The following FRMD3 variants were observed in gnomAD, a reference collection of about 807,000 sequenced individuals.
FRMD3 encodes FERM domain containing 3, also known as FERM domain-containing protein 3.
FRMD3 carries 33 observed loss-of-function variants against 70.2 expected under a neutral mutation model. The ratio of observed to expected loss-of-function variants is 0.47; its 90% CI spans 0.36 to 0.63. The LOEUF (loss-of-function observed/expected upper bound fraction) is 0.63. Among genes scored for constraint, FRMD3 ranks in the 20% least tolerant of loss-of-function variants. The probability of loss-of-function intolerance (pLI) is 0.00; values close to 1 mark genes in which losing one functional copy is unlikely to be tolerated. For synonymous variants in FRMD3, 279 were observed against 255.9 expected (o/e 1.09, Z -0.86); for missense variants, 632 against 711.4 (o/e 0.89, Z 1.27).
intron 13 of FRMD3, among the ~76,000 whole-genome samples, chr9:83,255,138 A>C (rs993080920): frequency 3.3e-5 from 5 of 152,214 alleles, no homozygotes; most frequent in African/African-American, 1.2e-4. Flanking sequence ...TCAATAAAAT[A>C]CTGGCAAACT....
At chr9:83,504,354 A>C (rs528671506) in intron 1 of FRMD3, among the ~76,000 whole-genome samples, 3 of 152,256 alleles carry the variant, frequency 2.0e-5, no homozygotes, top group Non-Finnish European at 4.4e-5. Context: ...GAGCAAGTGC[A>C]TGATCCTCTT....
intron 1 of FRMD3, among the ~76,000 whole-genome samples, chr9:83,414,986 G>A (rs1440206816): frequency 6.6e-6 from 1 of 152,236 alleles, no homozygotes; most frequent in Non-Finnish European, 1.5e-5. Context: ...AGAACCAGAT[G>A]AGAAGCAACA....
At chr9:83,316,148 CTT>C (rs369641019) in intron 6 of FRMD3, among the ~76,000 whole-genome samples, 7 of 134,512 alleles carry the variant, frequency 5.2e-5, no homozygotes, top group African/African-American at 1.7e-4. Flanking sequence ...TCTTTTTTCT[CTT>C]TTTTTTTTTT....
At chr9:83,441,548 G>A (rs567007263) in intron 1 of FRMD3, among the ~76,000 whole-genome samples, 29 of 152,290 alleles carry the variant, frequency 1.9e-4, no homozygotes, top group Admixed American at 3.9e-4. Context: ...CAGCCAGAAT[G>A]ATCATAATCC....
At chr9:83,303,959 T>G (rs1381283740) in intron 10 of FRMD3, among the ~76,000 whole-genome samples, 1 of 152,156 alleles carries the variant, frequency 6.6e-6, no homozygotes, top group Admixed American at 6.5e-5. Context: ...ATATTTGCCA[T>G]TTTAGATATT....
intron 13 of FRMD3, among the ~76,000 whole-genome samples, chr9:83,278,146 C>T (rs1833854966): frequency 6.6e-6 from 1 of 152,176 alleles, no homozygotes; most frequent in African/African-American, 2.4e-5. Context: ...AACAGCCATA[C>T]AAAGACCAGA....
intron 3 of FRMD3, among the ~76,000 whole-genome samples, chr9:83,350,405 C>T (rs542980686): frequency 1.3e-5 from 2 of 151,670 alleles, no homozygotes; most frequent in Non-Finnish European, 2.9e-5. Context: ...AGGCAGATCA[C>T]CTGAGGTCAG....
intron 3 of FRMD3, among the ~76,000 whole-genome samples, chr9:83,370,206 T>C (rs1210007245): frequency 2.0e-5 from 3 of 152,180 alleles, no homozygotes; most frequent in African/African-American, 7.2e-5. Flanking sequence ...CCAGACTCTT[T>C]CGATAAATTC....
the FRMD3 span, among the ~76,000 whole-genome samples, chr9:83,548,505 A>G: frequency 6.6e-6 from 1 of 152,220 alleles, no homozygotes; most frequent in South Asian, 2.1e-4. Context: ...TTCCAACTGT[A>G]TAACATACTA....
chr9:83,451,673 G>A (rs1827661335), intron 1 of FRMD3, among the ~76,000 whole-genome samples: 1 of 152,122 alleles, frequency 6.6e-6, no homozygotes, highest in African/African-American at 2.4e-5. Flanking sequence ...GAGCTGTCAG[G>A]GGAGAGGTGA....
At chr9:83,396,656 G>A (rs1825819147) in intron 1 of FRMD3, among the ~76,000 whole-genome samples, 1 of 152,220 alleles carries the variant, frequency 6.6e-6, no homozygotes, top group South Asian at 2.1e-4. Context: ...AGAGCTTCGA[G>A]AAGAGACTTG....
At chr9:83,493,209 T>C (rs1237485665) in intron 1 of FRMD3, among the ~76,000 whole-genome samples, 1 of 152,296 alleles carries the variant, frequency 6.6e-6, no homozygotes, top group African/African-American at 2.4e-5. Flanking sequence ...GGGGGCTATG[T>C]TGGTGGCAGG....
At chr9:83,400,141 A>G (rs548057678) in intron 1 of FRMD3, among the ~76,000 whole-genome samples, 216 of 152,226 alleles carry the variant, frequency 1.4e-3, no homozygotes, top group African/African-American at 5.0e-3. Context: ...TGTAAAAAAT[A>G]TCAAAGAATC....
chr9:83,574,811 T>C, the FRMD3 span, among the ~76,000 whole-genome samples: 2 of 152,036 alleles, frequency 1.3e-5, no homozygotes, highest in African/African-American at 2.4e-5. Flanking sequence ...ACCTCTAAGA[T>C]TTTCCTTTCT....
At position 83,395,135 on chromosome 9, in the gene FRMD3, A is replaced by G. The variant is rs1418193027; in HGVS notation, c.148-5427T>C. Among the ~76,000 whole-genome samples the G allele has an allele frequency of 2.0e-5, 3 of 152,274 alleles. No homozygotes were observed. The East Asian group carries it at 5.8e-4, about 29-fold the overall frequency. On this transcript the variant is annotated intron_variant, in intron 1 of 13. Coordinates refer to ENST00000304195, the MANE Select transcript of FRMD3 (RefSeq NM_174938.6). Reference sequence around the variant, plus strand: ...TGAATTTTGTAAACTGCAAAGTATTATACCAATGTTAGATGTCATTATTAA... The same window carrying G: ...TGAATTTTGTAAACTGCAAAGTATTGTACCAATGTTAGATGTCATTATTAA...
intron 1 of FRMD3, among the ~76,000 whole-genome samples, chr9:83,463,846 T>G (rs1394999392): frequency 6.6e-6 from 1 of 152,204 alleles, no homozygotes; most frequent in East Asian, 1.9e-4. Flanking sequence ...GTGTGTCATC[T>G]GAATTTTTAC....
chr9:83,535,793 G>T (rs1295399205), intron 1 of FRMD3, among the ~76,000 whole-genome samples: 1 of 152,136 alleles, frequency 6.6e-6, no homozygotes, highest in African/African-American at 2.4e-5. Flanking sequence ...GCAGATGTGG[G>T]CTATGGAGAG....
chr9:83,394,281 AG>A (rs1269557827), intron 1 of FRMD3, among the ~76,000 whole-genome samples: 2 of 152,134 alleles, frequency 1.3e-5, no homozygotes, highest in East Asian at 3.8e-4. Context: ...GCATCTCAAA[AG>A]GCAAATTCTC....
At chr9:83,270,635 C>A (rs1833506929) in intron 13 of FRMD3, among the ~76,000 whole-genome samples, 2 of 152,190 alleles carry the variant, frequency 1.3e-5, no homozygotes, top group Non-Finnish European at 2.9e-5. Flanking sequence ...TCCTTGGGTT[C>A]CAATCCTGGC....
Sources: allele counts gnomAD v4.1 joint callset (sites outside exome capture counted in the v4.1 genomes callset), GRCh38; gene constraint gnomAD v4.1.1; transcripts MANE v1.5; gene names NCBI Gene and HGNC (gene_info 2026-07-23, HGNC 2026-07-21).